The following ZNF609 variants were observed in gnomAD, a reference collection of about 807,000 sequenced individuals.
ZNF609 encodes the protein zinc finger protein 609.
Under a neutral mutation model 109.5 loss-of-function variants are expected in ZNF609, and 11 were observed. The observed-to-expected ratio is 0.10, with a 90% confidence interval of 0.06 to 0.17. The LOEUF is 0.17. ZNF609 is among the 10% of genes least tolerant of loss of function. The pLI is 1.00. For synonymous variants in ZNF609, 646 were observed against 662.0 expected (o/e 0.98, Z 0.37); for missense variants, 1,559 against 1,772.4 (o/e 0.88, Z 2.16).
intron 2 of ZNF609, among the ~76,000 whole-genome samples, chr15:64,568,727 C>T (rs1894816988): frequency 6.6e-6 from 1 of 152,152 alleles, no homozygotes; most frequent in Non-Finnish European, 1.5e-5. Context: ...TTTTCTTTCA[C>T]TGAACATTTA....
intron 3 of ZNF609, among the ~76,000 whole-genome samples, chr15:64,657,288 T>C (rs1219148855): frequency 6.7e-6 from 1 of 150,210 alleles, no homozygotes; most frequent in African/African-American, 2.5e-5. Flanking sequence ...TAAAAAATAA[T>C]AGGTATTATG....
intron 2 of ZNF609, among the ~76,000 whole-genome samples, chr15:64,611,605 A>G (rs935258345): frequency 1.3e-5 from 2 of 152,224 alleles, no homozygotes; most frequent in African/African-American, 4.8e-5. Context: ...ATGTATAGGG[A>G]TCACTGCAGG....
At chr15:64,653,882 A>G (rs1896451872) in intron 3 of ZNF609, among the ~76,000 whole-genome samples, 1 of 152,210 alleles carries the variant, frequency 6.6e-6, no homozygotes, top group East Asian at 1.9e-4. Context: ...AAAAATTGGT[A>G]GCAAAGTCAC....
At chr15:64,500,317 G>T in intron 2 of ZNF609, 151 bp downstream of exon 2, 1 of 1,101,762 alleles carries the variant, frequency 9.1e-7, no homozygotes, top group Non-Finnish European at 1.3e-6. Context: ...TGATAATGTG[G>T]TTTTCTTCCA....
intron 2 of ZNF609, among the ~76,000 whole-genome samples, chr15:64,517,013 C>T (rs1893821935): frequency 6.6e-6 from 1 of 152,178 alleles, no homozygotes; most frequent in Non-Finnish European, 1.5e-5. Context: ...TAATGTTTGT[C>T]TGGCTCTTCC....
At chr15:64,460,952 A>G (rs1301330710) in intron 1 of ZNF609, 114 bp downstream of exon 1, 1 of 90,728 alleles carries the variant, frequency 1.1e-5, no homozygotes, top group East Asian at 4.4e-4. Context: ...GCGCTGCCTG[A>G]CGGAGGAAGT....
intron 3 of ZNF609, among the ~76,000 whole-genome samples, chr15:64,625,776 C>A (rs559531252): frequency 6.1e-4 from 90 of 147,502 alleles, no homozygotes; most frequent in African/African-American, 2.2e-3. Context: ...GTAGTCCCAG[C>A]TACTCGGGAG....
Position 64,682,304 on chromosome 15 carries a change from T to C in ZNF609, c.*618T>C, listed in dbSNP as rs1324645228. 1 of 152,674 alleles carries C rather than the reference T, an allele frequency of 6.5e-6. No homozygotes were observed. Among genetic ancestry groups the C allele is most frequent in the Non-Finnish European group, 1.5e-5 (1 of 68,044 alleles). 9.5% of individuals were successfully genotyped at this position (152,674 alleles called of 1,614,324 possible). A position where few individuals can be genotyped will look rare whatever the true frequency, so the allele number is the denominator to read the frequency against. On this transcript the variant is annotated 3_prime_UTR_variant, in exon 10 of 10. Transcript: ENST00000326648. ...ATGTGGAGACTTCTCCCCATTTACA[T>C]GAGCACATATAAACGCTCACAACCT...
At chr15:64,672,545 A>C (rs1896748202) in intron 4 of ZNF609, among the ~76,000 whole-genome samples, 1 of 147,218 alleles carries the variant, frequency 6.8e-6, no homozygotes, top group Non-Finnish European at 1.5e-5. Flanking sequence ...GAACCGCTTG[A>C]ACCAGGGAGT....
At chr15:64,642,006 A>G (rs1896266956) in intron 3 of ZNF609, among the ~76,000 whole-genome samples, 1 of 152,126 alleles carries the variant, frequency 6.6e-6, no homozygotes, top group Non-Finnish European at 1.5e-5. Flanking sequence ...TTGAGGATGA[A>G]TGGTTTGCCA....
chr15:64,678,619 A>G, intron 6 of ZNF609, 137 bp downstream of exon 6: 12 of 1,255,512 alleles, frequency 9.6e-6, no homozygotes, highest in East Asian at 5.1e-5. Context: ...TCACTGAGTC[A>G]TTCTGTGAGG....
In ZNF609 at chr15:64,645,093, C is replaced by CCCTG. The variant is rs1325519921; in HGVS notation, c.973+22044_973+22045insGCCT. ...CCTTCCTTCCTTTCTTTCCCTCCCT[C>CCCTG]CCTCCCTCCCTCCCTTCCTTCCTTC... On this transcript the variant is annotated intron_variant, in intron 3 of 9. Transcript: ENST00000326648. 1.3e-4 allele frequency among the ~76,000 whole-genome samples: 7 copies of CCCTG among 55,522 alleles called. No individual in the cohort carries two copies. The South Asian group carries it at 3.6e-3, about 29-fold the overall frequency. The allele number at this position is 55,522 out of a possible 152,430, so 36.4% of individuals were successfully genotyped here.
intron 3 of ZNF609, among the ~76,000 whole-genome samples, chr15:64,656,575 C>G (rs1406212323): frequency 1.3e-5 from 2 of 152,116 alleles, no homozygotes; most frequent in Non-Finnish European, 2.9e-5. Context: ...AAAATTCTCC[C>G]TATTCTTTCT....
Position 64,542,121 on chromosome 15 carries a change from T to TCA in ZNF609, c.747+41970_747+41971dup, listed in dbSNP as rs532238775. On this transcript the variant is annotated intron_variant, in intron 2 of 9. Coordinates refer to ENST00000326648, the MANE Select transcript of ZNF609 (RefSeq NM_015042.2). ...CAACATAGGGAGACCCCCATCTCTCTCACACACACACACACAGACAGAGTA... is the reference window on the plus strand; with the variant it reads ...CAACATAGGGAGACCCCCATCTCTCTCACACACACACACACACAGACAGAGTA... Among the ~76,000 whole-genome samples the TCA allele has an allele frequency of 1.5e-3, 225 of 150,990 alleles. 1 individual carries two copies. The highest frequency in any genetic ancestry group is 2.7e-3 in the South Asian group (13 of 4,782).
At chr15:64,596,583 G>A (rs1895402500) in intron 2 of ZNF609, among the ~76,000 whole-genome samples, 1 of 152,122 alleles carries the variant, frequency 6.6e-6, no homozygotes, top group Non-Finnish European at 1.5e-5. Context: ...CCTTAGAGAT[G>A]CCATCTCTGA....
intron 2 of ZNF609, among the ~76,000 whole-genome samples, chr15:64,551,561 G>A (rs6494480): frequency 0.23 from 33,342 of 146,526 alleles, 6,894 homozygotes; most frequent in African/African-American, 0.53. Flanking sequence ...CTGAGGCAGG[G>A]GAATTGCTTG....
chr15:64,648,125 T>C (rs1203800895), intron 3 of ZNF609, among the ~76,000 whole-genome samples: 1 of 152,190 alleles, frequency 6.6e-6, no homozygotes, highest in East Asian at 1.9e-4. Context: ...TTTAGTGTTT[T>C]ACACCGAAAA....
At chr15:64,637,623 C>T (rs1280736040) in intron 3 of ZNF609, among the ~76,000 whole-genome samples, 2 of 152,178 alleles carry the variant, frequency 1.3e-5, no homozygotes, top group South Asian at 2.1e-4. Context: ...ATTTGCATTT[C>T]CCTGGTGAGT....
intron 3 of ZNF609, among the ~76,000 whole-genome samples, chr15:64,661,862 G>T (rs913460664): frequency 3.3e-5 from 5 of 152,316 alleles, no homozygotes; most frequent in African/African-American, 7.2e-5. Context: ...AGGTAGGAAT[G>T]AATTATTTGT....
Sources: allele counts gnomAD v4.1 joint callset (sites outside exome capture counted in the v4.1 genomes callset), GRCh38; gene constraint gnomAD v4.1.1; transcripts MANE v1.5; gene names NCBI Gene and HGNC (gene_info 2026-07-23, HGNC 2026-07-21).